Variants in GALNTL6 observed in about 807,000 individuals in gnomAD.
GALNTL6 encodes the protein polypeptide N-acetylgalactosaminyltransferase-like 6.
Under a neutral mutation model 73.7 loss-of-function variants are expected in GALNTL6, and 46 were observed. The ratio of observed to expected loss-of-function variants is 0.62; its 90% CI spans 0.49 to 0.80. The LOEUF (loss-of-function observed/expected upper bound fraction) is 0.80. GALNTL6 is among the 30% of genes least tolerant of loss of function. GALNTL6 has a pLI of 0.00. For synonymous variants in GALNTL6, 259 were observed against 263.7 expected, an observed-to-expected ratio of 0.98 and a Z score of 0.17; for missense variants, 604 against 755.0, an observed-to-expected ratio of 0.80 and a Z score of 2.34.
intron 2 of GALNTL6, among the ~76,000 whole-genome samples, chr4:171,833,977 A>T (rs1735039976): frequency 6.6e-6 from 1 of 151,932 alleles, no homozygotes; most frequent in Non-Finnish European, 1.5e-5. Context: ...GTTTGCATAG[A>T]TGTTTTCATG....
At chr4:172,338,524 T>G (rs1041729601) in intron 4 of GALNTL6, among the ~76,000 whole-genome samples, 10 of 152,162 alleles carry the variant, frequency 6.6e-5, no homozygotes, top group African/African-American at 2.4e-4. Context: ...GATAGGGTCT[T>G]TTGGCTTTGT....
At chr4:172,955,479 A>C (rs1368492194) in intron 10 of GALNTL6, among the ~76,000 whole-genome samples, 1 of 152,120 alleles carries the variant, frequency 6.6e-6, no homozygotes, top group African/African-American at 2.4e-5. Flanking sequence ...AAAGGATAAA[A>C]AATTATTAAA....
chr4:172,251,338 A>G lies in GALNTL6; in HGVS notation c.247+21574A>G, dbSNP rs566282529. On this transcript the variant is annotated intron_variant, in intron 3 of 12. Coordinates refer to ENST00000506823, the MANE Select transcript of GALNTL6 (RefSeq NM_001034845.3). ...CTTTACCCAAAGTCCACCAATTTAAATGTCAATCTCATCGAAAGGAACTCT... is the reference window on the plus strand; with the variant it reads ...CTTTACCCAAAGTCCACCAATTTAAGTGTCAATCTCATCGAAAGGAACTCT... Among the ~76,000 whole-genome samples the G allele has an allele frequency of 2.0e-5, 3 of 152,280 alleles. No homozygotes were observed. The East Asian group carries it at 5.8e-4, about 29-fold the overall frequency.
intron 5 of GALNTL6, among the ~76,000 whole-genome samples, chr4:172,423,709 C>T (rs1289257468): frequency 6.6e-6 from 1 of 151,982 alleles, no homozygotes; most frequent in African/African-American, 2.4e-5. Context: ...AGAATGTAAG[C>T]TCTAAAAAGG....
At chr4:172,994,160 T>C (rs1463489052) in intron 10 of GALNTL6, among the ~76,000 whole-genome samples, 1 of 152,218 alleles carries the variant, frequency 6.6e-6, no homozygotes, top group Non-Finnish European at 1.5e-5. Flanking sequence ...ATTACTACAA[T>C]AACTGTTGTA....
intron 2 of GALNTL6, among the ~76,000 whole-genome samples, chr4:171,906,032 G>C (rs1051599655): frequency 2.4e-3 from 360 of 152,026 alleles, no homozygotes; most frequent in African/African-American, 8.4e-3. Context: ...ATGCCCACAA[G>C]AGAAAGCAGG....
At chr4:171,906,001 G>A (rs1476121454) in intron 2 of GALNTL6, among the ~76,000 whole-genome samples, 1 of 151,754 alleles carries the variant, frequency 6.6e-6, no homozygotes, top group East Asian at 1.9e-4. Context: ...GCAGTGTGTA[G>A]AGGGAAATTT....
At chr4:172,841,623 G>A (rs1402058009) in intron 7 of GALNTL6, among the ~76,000 whole-genome samples, 7 of 152,244 alleles carry the variant, frequency 4.6e-5, no homozygotes, top group East Asian at 1.9e-4. Context: ...TGTCTTACAC[G>A]GTGGCTGGAG....
At chr4:172,950,881 CAAG>C (rs1361521120) in intron 9 of GALNTL6, among the ~76,000 whole-genome samples, 4 of 152,168 alleles carry the variant, frequency 2.6e-5, no homozygotes, top group African/African-American at 9.7e-5. Context: ...GAACAGGACA[CAAG>C]AAGTAGAGAC....
chr4:172,364,763 C>A (rs1284721085), intron 5 of GALNTL6, among the ~76,000 whole-genome samples: 4 of 152,056 alleles, frequency 2.6e-5, no homozygotes, highest in Admixed American at 6.5e-5. Flanking sequence ...CAAAGTGGAC[C>A]TAAAAAGATA....
intron 2 of GALNTL6, among the ~76,000 whole-genome samples, chr4:172,002,200 G>A (rs1307895008): frequency 6.6e-6 from 1 of 152,128 alleles, no homozygotes; most frequent in Admixed American, 6.6e-5. Flanking sequence ...AATTTTCTTG[G>A]TCCCTATCAA....
intron 5 of GALNTL6, among the ~76,000 whole-genome samples, chr4:172,782,868 G>A (rs1366602311): frequency 2.0e-5 from 3 of 152,016 alleles, no homozygotes; most frequent in Admixed American, 1.3e-4. Flanking sequence ...CCATTACTAT[G>A]ATTTCAGAAA....
At chr4:172,704,975 T>C (rs1300206575) in intron 5 of GALNTL6, among the ~76,000 whole-genome samples, 1 of 152,062 alleles carries the variant, frequency 6.6e-6, no homozygotes, top group Non-Finnish European at 1.5e-5. Flanking sequence ...ACTTGAAGTA[T>C]ATTTCATCTA....
Position 172,797,487 on chromosome 4 carries a change from C to A in GALNTL6, c.554-11874C>A, listed in dbSNP as rs1296575935. The stretch of plus-strand genomic sequence containing the variant: ...CTGTAGTTCCTGAGCTCAGGCCATC[C>A]GCCCGCCTCAGCCTCCCAAAGTGCT... On this transcript the variant is annotated intron_variant, in intron 5 of 12. Coordinates refer to ENST00000506823, the MANE Select transcript of GALNTL6 (RefSeq NM_001034845.3). Among the ~76,000 whole-genome samples, 3 of 152,126 alleles carry A rather than the reference C, an allele frequency of 2.0e-5. No individual in the cohort carries two copies. The East Asian group carries it at 5.8e-4, about 29-fold the overall frequency.
chr4:172,566,104 T>G (rs1280043500), intron 5 of GALNTL6, among the ~76,000 whole-genome samples: 1 of 152,140 alleles, frequency 6.6e-6, no homozygotes, highest in Admixed American at 6.5e-5. Context: ...GTAAGAGACT[T>G]AATTCTCTAC....
intron 5 of GALNTL6, among the ~76,000 whole-genome samples, chr4:172,448,514 T>C (rs926707341): frequency 2.0e-5 from 3 of 152,202 alleles, no homozygotes; most frequent in Admixed American, 1.3e-4. Flanking sequence ...AAGTTACTCA[T>C]ATTTATAAAG....
chr4:172,170,868 G>A (rs1316100951), intron 2 of GALNTL6, among the ~76,000 whole-genome samples: 3 of 152,172 alleles, frequency 2.0e-5, no homozygotes, highest in East Asian at 3.9e-4. Context: ...TGAAAATGAG[G>A]CATTTCTGCC....
chr4:172,821,973 A>G (rs1741957715), intron 7 of GALNTL6, among the ~76,000 whole-genome samples: 1 of 152,108 alleles, frequency 6.6e-6, no homozygotes, highest in South Asian at 2.1e-4. Context: ...TCTCCAGGGA[A>G]ATCACATCTG....
At chr4:172,495,159 C>T (rs1024408136) in intron 5 of GALNTL6, among the ~76,000 whole-genome samples, 2 of 152,108 alleles carry the variant, frequency 1.3e-5, no homozygotes, top group African/African-American at 4.8e-5. Flanking sequence ...ATTAAGCATG[C>T]TCACATGCTG....
Sources: gnomAD v4.1 joint callset for allele counts (sites outside exome capture counted in the v4.1 genomes callset) on GRCh38, gnomAD v4.1.1 for gene constraint, MANE v1.5 for transcripts, NCBI Gene and HGNC (gene_info 2026-07-23, HGNC 2026-07-21) for gene names.